The following KRR1 variants were observed in gnomAD, a reference collection of about 807,000 sequenced individuals.
KRR1 encodes the protein KRR1 small subunit processome component homolog.
A neutral mutation model predicts 50.0 loss-of-function variants in KRR1; 23 were observed. The observed-to-expected ratio is 0.46, with a 90% CI of 0.33 to 0.65. The LOEUF (loss-of-function observed/expected upper bound fraction) is 0.65. Ranked by LOEUF, KRR1 falls within the 30% of genes least tolerant of loss-of-function variation. KRR1 has a pLI of 0.02. For synonymous variants in KRR1, 133 were observed against 146.3 expected (o/e 0.91, Z 0.66); for missense variants, 419 against 442.4 (o/e 0.95, Z 0.47).
At position 75,495,683 on chromosome 12, in the gene KRR1, A is replaced by G. The variant is rs1250718994; in HGVS notation, c.*4126T>C. 2 of 1,321,528 alleles carry G rather than the reference A, an allele frequency of 1.5e-6. No individual in the cohort carries two copies. 81.9% of individuals were successfully genotyped at this position (1,321,528 alleles called of 1,614,324 possible). A position where few individuals can be genotyped will look rare whatever the true frequency, so the allele number is the denominator to read the frequency against. ...CTGTGGTGAGTAAAAGGAACAATAC[A>G]CCAATAGAATAACATAATAGTAACA... On this transcript the variant is annotated 3_prime_UTR_variant, in exon 10 of 10. Transcript: ENST00000229214.
At position 75,494,889 on chromosome 12, in the gene KRR1, G is replaced by A. The variant is rs2046341566; in HGVS notation, c.*4920C>T. On this transcript the variant is annotated 3_prime_UTR_variant, in exon 10 of 10. Transcript: ENST00000229214. The stretch of plus-strand genomic sequence containing the variant: ...TCTAGCTATATAATGGGTATAAATA[G>A]ACAACAGTAACTTCCTCATAGGGTT... 6.6e-6 allele frequency: 1 copy of A among 152,162 alleles called. No homozygotes were observed. Among genetic ancestry groups the A allele is most frequent in the African/African-American group, 2.4e-5 (1 of 41,434 alleles). The allele number at this position is 152,162 out of a possible 1,614,324, so 9.4% of individuals were successfully genotyped here. A position where few individuals can be genotyped will look rare whatever the true frequency, so the allele number is the denominator to read the frequency against.
intron 1 of KRR1, among the ~76,000 whole-genome samples, chr12:75,508,716 C>G (rs1181940638): frequency 1.3e-5 from 2 of 152,216 alleles, no homozygotes; most frequent in African/African-American, 4.8e-5. Context: ...AGCAGAAACC[C>G]TCTTCACACT....
chr12:75,502,009 A>G lies in KRR1; in HGVS notation c.832-9T>C, dbSNP rs1234380699. 3 of 1,602,250 alleles carry G rather than the reference A, an allele frequency of 1.9e-6. No homozygotes were observed. The African/African-American group carries it at 4.0e-5, about 21-fold the overall frequency. ...GCCAATTCTTTATCGATCTGTTGAA[A>G]ACGGTATTTACAATTACATCAGAAA... is the stretch of plus-strand genomic sequence containing the variant. On this transcript the variant is annotated splice_polypyrimidine_tract_variant and intron_variant, in intron 7 of 9. Coordinates refer to ENST00000229214, the MANE Select transcript of KRR1 (RefSeq NM_007043.7).
rs2046449578 is a variant in KRR1, at chr12:75,511,586, GGGAGACGC to G, written c.4_11del (p.Ala2LeufsTer13). 1 of 1,613,922 alleles carries G rather than the reference GGGAGACGC, an allele frequency of 6.2e-7. No homozygotes were observed. Among genetic ancestry groups the G allele is most frequent in the South Asian group, 1.1e-5 (1 of 91,084 alleles). ...CGCCTTTTTCTGGCCGCTCCAGCGA[GGGAGACGC>G]CATTTGCAAGCTGCTTCCGGTGGCT... On this transcript the variant is annotated frameshift_variant, in exon 1 of 10. Coordinates refer to ENST00000229214, the MANE Select transcript of KRR1 (RefSeq NM_007043.7). LOFTEE classifies it high-confidence loss of function.
At chr12:75,504,416 G>C (rs1379590882) in intron 6 of KRR1, 1 of 168,616 alleles carries the variant, frequency 5.9e-6, no homozygotes, top group Non-Finnish European at 1.3e-5. Context: ...GAAGTTTTCA[G>C]TAGCAACTGA....
At chr12:75,511,001 C>T (rs2046445621) in intron 1 of KRR1, among the ~76,000 whole-genome samples, 1 of 152,208 alleles carries the variant, frequency 6.6e-6, no homozygotes. Context: ...ACAGTAAGGG[C>T]TGTGTCGTCT....
At chr12:75,506,676 G>A (rs2120626065) in intron 3 of KRR1, 67 bp from the exon 4 acceptor site, 1 of 1,542,048 alleles carries the variant, frequency 6.5e-7, no homozygotes, top group South Asian at 1.3e-5. Flanking sequence ...TCATTTTCCA[G>A]GCCCACGCTA....
Position 75,499,711 on chromosome 12 carries a change from A to G in KRR1, c.*98T>C. The G allele has an allele frequency of 1.4e-6, 1 of 725,862 alleles. No homozygotes were observed. Among genetic ancestry groups the G allele is most frequent in the Non-Finnish European group, 2.1e-6 (1 of 470,892 alleles). The allele number at this position is 725,862 out of a possible 1,614,324, so 45.0% of individuals were successfully genotyped here. A position where few individuals can be genotyped will look rare whatever the true frequency, so the allele number is the denominator to read the frequency against. On this transcript the variant is annotated 3_prime_UTR_variant, in exon 10 of 10. Transcript: ENST00000229214. ...AACCACCACCACCAAAAAAAAAAAAAGCCCTCAGAAAATTTCTCACAAATA... is the reference window on the plus strand; with the variant it reads ...AACCACCACCACCAAAAAAAAAAAAGGCCCTCAGAAAATTTCTCACAAATA...
In KRR1 at chr12:75,503,916, T is replaced by G; in HGVS notation, c.819A>C (p.Gln273His). 3 of 1,608,390 alleles carry G rather than the reference T, an allele frequency of 1.9e-6. No individual in the cohort carries two copies. The highest frequency in any genetic ancestry group is 2.5e-6 in the Non-Finnish European group (3 of 1,177,020). ...ATTTAGTACTAACCTGACTTTCTGG[T>G]TGTGGTGGTGGGAATGGCGTATATT... ...KKEYTPFPPP[Q>H]PESQIDKELA... The change falls in exon 7 of 10, where the codon CAA becomes CAC. Residue 273 changes from glutamine to histidine, a missense_variant. Coordinates refer to ENST00000229214, the MANE Select transcript of KRR1 (RefSeq NM_007043.7).
At chr12:75,505,983 G>A (rs567288181) in intron 5 of KRR1, among the ~76,000 whole-genome samples, 89 of 152,136 alleles carry the variant, frequency 5.9e-4, no homozygotes, top group African/African-American at 1.9e-3. Flanking sequence ...CAATTTTCCC[G>A]TCATTTGGAC....
At chr12:75,508,539 T>TGTATGTGTA in intron 1 of KRR1, 93 bp from the exon 2 acceptor site, 1 of 832,462 alleles carries the variant, frequency 1.2e-6, no homozygotes, top group Non-Finnish European at 1.8e-6. Context: ...TTTATGAACA[T>TGTATGTGTA]CCTATGCACA....
rs1230243676 is a variant in KRR1, at chr12:75,495,832, T to C, written c.*3977A>G. 10 of 440,636 alleles carry C rather than the reference T, an allele frequency of 2.3e-5. No homozygotes were observed. The highest frequency in any genetic ancestry group is 3.7e-5 in the Non-Finnish European group (9 of 241,086). 27.3% of individuals were successfully genotyped at this position (440,636 alleles called of 1,614,324 possible). A position where few individuals can be genotyped will look rare whatever the true frequency, so the allele number is the denominator to read the frequency against. ...GTTCTAGGAATACATTTAAGAGAAA[T>C]TTAAATGTGAAAATCACGTTCTTTT... On this transcript the variant is annotated 3_prime_UTR_variant, in exon 10 of 10. Coordinates refer to ENST00000229214, the MANE Select transcript of KRR1 (RefSeq NM_007043.7).
In KRR1 at chr12:75,498,661, A is replaced by C. The variant is rs535834784; in HGVS notation, c.*1148T>G. The C allele has an allele frequency of 1.8e-5, 29 of 1,585,058 alleles. No individual in the cohort carries two copies. The South Asian group carries it at 2.9e-4, about 16-fold the overall frequency. ...AACTCTCAACTGTGTCTACCCTTTT[A>C]ATTTTTTTTCTTTCTTCCCCCTAAC... On this transcript the variant is annotated 3_prime_UTR_variant, in exon 10 of 10. Coordinates refer to ENST00000229214, the MANE Select transcript of KRR1 (RefSeq NM_007043.7).
At chr12:75,511,040 T>C (rs1462902901) in intron 1 of KRR1, among the ~76,000 whole-genome samples, 2 of 152,218 alleles carry the variant, frequency 1.3e-5, no homozygotes, top group African/African-American at 4.8e-5. Context: ...AAACAGGAAT[T>C]GATAATCTTT....
At chr12:75,506,697 A>G in intron 3 of KRR1, 85 bp downstream of exon 3, 1 of 1,553,802 alleles carries the variant, frequency 6.4e-7, no homozygotes, top group Non-Finnish European at 8.6e-7. Flanking sequence ...TTGTTACCTA[A>G]GCACAAATAT....
chr12:75,498,923 T>G lies in KRR1; in HGVS notation c.*886A>C. 1 of 1,607,130 alleles carries G rather than the reference T, an allele frequency of 6.2e-7. No homozygotes were observed. The highest frequency in any genetic ancestry group is 8.5e-7 in the Non-Finnish European group (1 of 1,174,210). ...AATTCAGTAATTCTAATACTGTCTG[T>G]TATAATTACCATTTTGGTACAGCAC... On this transcript the variant is annotated 3_prime_UTR_variant, in exon 10 of 10. Coordinates refer to ENST00000229214, the MANE Select transcript of KRR1 (RefSeq NM_007043.7).
intron 2 of KRR1, 57 bp from the exon 3 acceptor site, chr12:75,506,973 T>C: frequency 1.4e-6 from 2 of 1,473,784 alleles, no homozygotes; most frequent in Admixed American, 4.6e-5. Flanking sequence ...TTTAGATAAT[T>C]ATAAAGCCTC....
chr12:75,508,998 CTA>C (rs1319238740), intron 1 of KRR1, among the ~76,000 whole-genome samples: 1 of 152,094 alleles, frequency 6.6e-6, no homozygotes, highest in Non-Finnish European at 1.5e-5. Context: ...TTCATCGTAA[CTA>C]TAAAAGGTAG....
At chr12:75,500,953 A>G (rs1345588086) in intron 9 of KRR1, 1 of 152,102 alleles carries the variant, frequency 6.6e-6, no homozygotes. Flanking sequence ...AATCTACCAT[A>G]GAATGTAGTA....
Sources: gnomAD v4.1 joint callset for allele counts (sites outside exome capture counted in the v4.1 genomes callset) on GRCh38, gnomAD v4.1.1 for gene constraint, MANE v1.5 for transcripts, NCBI Gene and HGNC (gene_info 2026-07-23, HGNC 2026-07-21) for gene names.